KIRREL3: variants seen among roughly 807,000 people sequenced by gnomAD.
The protein encoded by KIRREL3 is kin of IRRE-like protein 3.
A neutral mutation model predicts 89.7 loss-of-function variants in KIRREL3; 36 were observed. The ratio of observed to expected loss-of-function variants is 0.40; its 90% CI spans 0.31 to 0.53. The LOEUF is 0.53. Among genes scored for constraint, KIRREL3 ranks in the 20% least tolerant of loss-of-function variants. The pLI, the probability that KIRREL3 is intolerant of heterozygous loss-of-function variation, is 0.49. For synonymous variants in KIRREL3, 445 were observed against 441.4 expected, an observed-to-expected ratio of 1.01 and a Z score of -0.10; for missense variants, 864 against 1,056.6, an observed-to-expected ratio of 0.82 and a Z score of 2.53.
intron 1 of KIRREL3, among the ~76,000 whole-genome samples, chr11:126,982,024 TG>T (rs1462578092): frequency 2.6e-5 from 4 of 152,330 alleles, no homozygotes; most frequent in African/African-American, 9.6e-5. Context: ...CTCTGCATAA[TG>T]GGATTATAAT....
At position 126,428,869 on chromosome 11, in the gene KIRREL3, A is replaced by G. The variant is rs1955031173; in HGVS notation, c.1806+310T>C. Among the ~76,000 whole-genome samples the G allele has an allele frequency of 6.6e-6, 1 of 152,108 alleles. No individual in the cohort carries two copies. The highest frequency in any genetic ancestry group is 2.1e-4 in the South Asian group (1 of 4,818). ...ACCATGTTGGCCAGGCTGGTCTCGAACTCCTAATCTCAAGTGATCCGCCCA... is the reference window on the plus strand; with the variant it reads ...ACCATGTTGGCCAGGCTGGTCTCGAGCTCCTAATCTCAAGTGATCCGCCCA... On this transcript the variant is annotated intron_variant, in intron 15 of 16. Coordinates refer to ENST00000525144, the MANE Select transcript of KIRREL3 (RefSeq NM_032531.4). This position sits in a 1 kb window ranked among gnomAD's most constrained non-coding sequence, Gnocchi z 6.4.
chr11:126,619,006 G>A (rs1943470929), intron 1 of KIRREL3, among the ~76,000 whole-genome samples: 1 of 152,202 alleles, frequency 6.6e-6, no homozygotes, highest in Non-Finnish European at 1.5e-5. Context: ...CATGGATCTT[G>A]ACTTCTAGTT....
intron 1 of KIRREL3, among the ~76,000 whole-genome samples, chr11:126,718,853 T>C (rs765405030): frequency 1.3e-5 from 2 of 152,120 alleles, no homozygotes; most frequent in Non-Finnish European, 2.9e-5. Context: ...GGGGCCTCAC[T>C]GAGTCTTTCT....
intron 1 of KIRREL3, among the ~76,000 whole-genome samples, chr11:126,589,555 A>G (rs1403802858): frequency 1.3e-5 from 2 of 152,214 alleles, no homozygotes; most frequent in African/African-American, 4.8e-5. Context: ...CTTGTGTTCA[A>G]AGGAGGAAAT....
At position 126,704,512 on chromosome 11, in the gene KIRREL3, A is replaced by G. The variant is rs973778056; in HGVS notation, c.56-141600T>C. ...GACCTTGGTGGAGTGCAGCTTCAGC[A>G]TTTGGGGCCACAGCTCTGCAGGCTT... is the stretch of plus-strand genomic sequence containing the variant. On this transcript the variant is annotated intron_variant, in intron 1 of 16. Coordinates refer to ENST00000525144, the MANE Select transcript of KIRREL3 (RefSeq NM_032531.4). This position sits in a 1 kb window ranked among gnomAD's most constrained non-coding sequence, Gnocchi z 4.2. 2.0e-5 allele frequency among the ~76,000 whole-genome samples: 3 copies of G among 152,198 alleles called. No individual in the cohort carries two copies. The highest frequency in any genetic ancestry group is 6.5e-5 in the Admixed American group (1 of 15,284).
rs1196533077 is a variant in KIRREL3, at chr11:126,508,741, C to A, written c.433+12574G>T. On this transcript the variant is annotated intron_variant, in intron 4 of 16. Coordinates refer to ENST00000525144, the MANE Select transcript of KIRREL3 (RefSeq NM_032531.4). This position sits in a 1 kb window ranked among gnomAD's most constrained non-coding sequence, Gnocchi z 4.9. ...CGTTCTTTACCTTTCTTGTGTGTGA[C>A]CTTGGGCAAGGTAATGAGCCTCTAT... 6.6e-6 allele frequency among the ~76,000 whole-genome samples: 1 copy of A among 152,168 alleles called. No individual in the cohort carries two copies. Among genetic ancestry groups the A allele is most frequent in the East Asian group, 1.9e-4 (1 of 5,188 alleles).
rs1284526092 is a variant in KIRREL3, at chr11:126,709,277, G to GCTTTAT, written c.56-146371_56-146366dup. On this transcript the variant is annotated intron_variant, in intron 1 of 16. Coordinates refer to ENST00000525144, the MANE Select transcript of KIRREL3 (RefSeq NM_032531.4). The surrounding 1 kb of genome is among the most constrained non-coding windows in gnomAD (Gnocchi z 4.0). ...AAAATATGGCTGCCTTGACTAGTTG[G>GCTTTAT]CTTTATCATCTCCTCTATCCCAAGA... is the stretch of plus-strand genomic sequence containing the variant. Among the ~76,000 whole-genome samples, 3 of 152,196 alleles carry GCTTTAT rather than the reference G, an allele frequency of 2.0e-5. No individual in the cohort carries two copies. Among genetic ancestry groups the GCTTTAT allele is most frequent in the Non-Finnish European group, 1.5e-5 (1 of 68,040 alleles).
In KIRREL3 at chr11:126,652,468, C is replaced by T. The variant is rs531500080; in HGVS notation, c.56-89556G>A. The stretch of plus-strand genomic sequence containing the variant: ...GCAAGTGCTAGATATTTGGCTCACA[C>T]ATTTCATCCTCATAACAGCCCTATG... On this transcript the variant is annotated intron_variant, in intron 1 of 16. Coordinates refer to ENST00000525144, the MANE Select transcript of KIRREL3 (RefSeq NM_032531.4). This position sits in a 1 kb window ranked among gnomAD's most constrained non-coding sequence, Gnocchi z 4.9. Among the ~76,000 whole-genome samples the T allele has an allele frequency of 1.6e-4, 25 of 152,304 alleles. No individual in the cohort carries two copies. In the Middle Eastern group the frequency reaches 0.02, roughly 124 times the overall value.
chr11:126,722,373 T>C (rs7933188), intron 1 of KIRREL3, among the ~76,000 whole-genome samples: 133,475 of 152,270 alleles, frequency 0.88, 58,671 homozygotes, highest in East Asian at 1. Flanking sequence ...AATTTGAAGC[T>C]CTTTCTCCAA....
intron 2 of KIRREL3, among the ~76,000 whole-genome samples, chr11:126,540,260 A>G (rs964443882): frequency 6.6e-6 from 1 of 152,218 alleles, no homozygotes; most frequent in African/African-American, 2.4e-5. Context: ...TGCCAGTCTC[A>G]TGAACATTAC....
Position 126,521,220 on chromosome 11 carries a change from G to A in KIRREL3, c.433+95C>T, listed in dbSNP as rs12287900. 283,934 of 1,298,030 alleles carry A rather than the reference G, an allele frequency of 0.22. 34,737 individuals carry two copies. Among genetic ancestry groups the A allele is most frequent in the African/African-American group, 0.45 (30,078 of 66,490 alleles). The allele number at this position is 1,298,030 out of a possible 1,614,324, so 80.4% of individuals were successfully genotyped here. On this transcript the variant is annotated intron_variant, in intron 4 of 16. Coordinates refer to ENST00000525144, the MANE Select transcript of KIRREL3 (RefSeq NM_032531.4). The surrounding 1 kb of genome is among the most constrained non-coding windows in gnomAD (Gnocchi z 4.1). ...GCCCTGTGGGATGATCCCCAGAGGGGAGTCTCCCCATGTCTGACCAAAAAA... is the reference window on the plus strand; with the variant it reads ...GCCCTGTGGGATGATCCCCAGAGGGAAGTCTCCCCATGTCTGACCAAAAAA...
At position 126,989,283 on chromosome 11, in the gene KIRREL3, C is replaced by T. The variant is rs1949957152; in HGVS notation, c.55+11172G>A. On this transcript the variant is annotated intron_variant, in intron 1 of 16. Coordinates refer to ENST00000525144, the MANE Select transcript of KIRREL3 (RefSeq NM_032531.4). The surrounding 1 kb of genome is among the most constrained non-coding windows in gnomAD (Gnocchi z 6.2). ...AGAACTATCAGTAAAATGAAGACAG[C>T]AATCCTGCCTTCAGCCCAACTCCAC... is the stretch of plus-strand genomic sequence containing the variant. 6.6e-6 allele frequency among the ~76,000 whole-genome samples: 1 copy of T among 152,172 alleles called. No individual in the cohort carries two copies. The highest frequency in any genetic ancestry group is 1.5e-5 in the Non-Finnish European group (1 of 68,020).
At chr11:126,833,579 C>T (rs1331108294) in intron 1 of KIRREL3, among the ~76,000 whole-genome samples, 1 of 152,222 alleles carries the variant, frequency 6.6e-6, no homozygotes, top group East Asian at 1.9e-4. Context: ...AGTGTTTCCT[C>T]ATGCTGAAAC....
rs937215703 is a variant in KIRREL3, at chr11:126,431,183, T to C, written c.1696+236A>G. 27 of 1,459,464 alleles carry C rather than the reference T, an allele frequency of 1.8e-5. No individual in the cohort carries two copies. The African/African-American group carries it at 2.8e-4, about 15-fold the overall frequency. 90.4% of individuals were successfully genotyped at this position (1,459,464 alleles called of 1,614,324 possible). On this transcript the variant is annotated intron_variant, in intron 14 of 16. Coordinates refer to ENST00000525144, the MANE Select transcript of KIRREL3 (RefSeq NM_032531.4). This position sits in a 1 kb window ranked among gnomAD's most constrained non-coding sequence, Gnocchi z 7.1. ...GTTCAATCCAAAATGCTGGCTGCCC[T>C]GCAGATGAAGTTCAGTCTAGTCCAG...
chr11:126,881,898 G>A (rs1945515740), intron 1 of KIRREL3, among the ~76,000 whole-genome samples: 1 of 152,210 alleles, frequency 6.6e-6, no homozygotes, highest in South Asian at 2.1e-4. Context: ...TAAAGGACAA[G>A]TGCCAAAACT....
chr11:126,734,404 A>T lies in KIRREL3; in HGVS notation c.56-171492T>A, dbSNP rs1318353714. Among the ~76,000 whole-genome samples, 1 of 152,130 alleles carries T rather than the reference A, an allele frequency of 6.6e-6. No individual in the cohort carries two copies. The highest frequency in any genetic ancestry group is 1.9e-4 in the East Asian group (1 of 5,190). On this transcript the variant is annotated intron_variant, in intron 1 of 16. Coordinates refer to ENST00000525144, the MANE Select transcript of KIRREL3 (RefSeq NM_032531.4). The surrounding 1 kb of genome is among the most constrained non-coding windows in gnomAD (Gnocchi z 5.9). The stretch of plus-strand genomic sequence containing the variant: ...TTTGGCCAGGCGCGGTGGCTCATGC[A>T]TGTAATCCCAGCACTTTGCGTGGCT...
intron 4 of KIRREL3, among the ~76,000 whole-genome samples, chr11:126,481,431 C>T (rs577062643): frequency 6.6e-6 from 1 of 152,324 alleles, no homozygotes; most frequent in South Asian, 2.1e-4. Flanking sequence ...CAGGCCAGAC[C>T]TCTCTCTTGA....
rs920633436 is a variant in KIRREL3 at position 126,519,040 on chromosome 11, C to T, written c.433+2275G>A. 4.6e-5 allele frequency among the ~76,000 whole-genome samples: 7 copies of T among 152,214 alleles called. No homozygotes were observed. The highest frequency in any genetic ancestry group is 7.4e-5 in the Non-Finnish European group (5 of 68,024). On this transcript the variant is annotated intron_variant, in intron 4 of 16. Transcript: ENST00000525144. This position sits in a 1 kb window ranked among gnomAD's most constrained non-coding sequence, Gnocchi z 4.3. ...CCCTTTCTGGCTCTCAGGAATTTCACGGAGGGGACCCTGCTGGGGATCATG... is the reference window on the plus strand; with the variant it reads ...CCCTTTCTGGCTCTCAGGAATTTCATGGAGGGGACCCTGCTGGGGATCATG...
At chr11:126,939,638 T>C (rs902916671) in intron 1 of KIRREL3, among the ~76,000 whole-genome samples, 5 of 152,112 alleles carry the variant, frequency 3.3e-5, no homozygotes, top group African/African-American at 1.2e-4. Flanking sequence ...ACTAGGAGGA[T>C]CACACCGGTA....
Sources: allele counts gnomAD v4.1 joint callset (sites outside exome capture counted in the v4.1 genomes callset), GRCh38; gene constraint gnomAD v4.1.1; non-coding constraint Gnocchi (gnomAD v3.1); transcripts MANE v1.5; gene names NCBI Gene and HGNC (gene_info 2026-07-23, HGNC 2026-07-21).